The following C10orf88 variants were observed in gnomAD, a reference collection of about 807,000 sequenced individuals.
C10orf88 encodes the protein ATPase PAAT.
C10orf88 carries 29 observed loss-of-function variants against 34.2 expected under a neutral mutation model. The ratio of observed to expected loss-of-function variants is 0.85; its 90% CI spans 0.63 to 1.16. The LOEUF (loss-of-function observed/expected upper bound fraction) is 1.16, where lower values mean the gene tolerates loss of function less well. Ranked by LOEUF, C10orf88 falls within the 50% of genes most tolerant of loss-of-function variation. The probability of loss-of-function intolerance (pLI) is 0.00; values close to 1 mark genes in which losing one functional copy is unlikely to be tolerated. For missense variants in C10orf88, 507 were observed against 533.2 expected (o/e 0.95, Z 0.48); for synonymous variants, 194 against 197.4 (o/e 0.98, Z 0.15).
At position 122,937,751 on chromosome 10, in the gene C10orf88, A is replaced by C. The variant is rs751415358; in HGVS notation, c.1057T>G (p.Cys353Gly). 14 of 1,612,412 alleles carry C rather than the reference A, an allele frequency of 8.7e-6. No individual in the cohort carries two copies. Among genetic ancestry groups the C allele is most frequent in the Non-Finnish European group, 1.2e-5 (14 of 1,179,096 alleles). The change falls in exon 5 of 6, where the codon TGT (cysteine) becomes GGT (glycine). Residue 353 changes from cysteine (C) to glycine (G), a missense_variant. Coordinates refer to ENST00000481909, the MANE Select transcript of C10orf88 (RefSeq NM_024942.4). ...CCATGCTTGGTGATGTTTTCCTGAC[A>C]CTCGGTCTTATTTCCCACATGGAGA... ...NHLHVGNKTE[C>G]QENITKHGER...
intron 4 of C10orf88, among the ~76,000 whole-genome samples, chr10:122,940,740 T>C (rs1410713313): frequency 6.6e-6 from 1 of 152,006 alleles, no homozygotes; most frequent in African/African-American, 2.4e-5. Flanking sequence ...CCTCCACTGT[T>C]AACATGCTAT....
In C10orf88 at chr10:122,947,576, C is replaced by T. The variant is rs184652353; in HGVS notation, c.648+1073G>A. 2.0e-5 allele frequency among the ~76,000 whole-genome samples: 3 copies of T among 152,278 alleles called. No individual in the cohort carries two copies. The East Asian group carries it at 5.8e-4, about 29-fold the overall frequency. ...TTCCTCTCCCTTCACCACCCTCCGT[C>T]AGCTACTGTGGGTACACCCCTAAAC... is the stretch of plus-strand genomic sequence containing the variant. On this transcript the variant is annotated intron_variant, in intron 4 of 5. Transcript: ENST00000481909.
At chr10:122,947,688 T>G (rs1197646134) in intron 4 of C10orf88, among the ~76,000 whole-genome samples, 1 of 152,204 alleles carries the variant, frequency 6.6e-6, no homozygotes, top group Non-Finnish European at 1.5e-5. Context: ...GAATGTCTTA[T>G]TCACAGCTAA....
chr10:122,936,896 T>C (rs560487140), intron 5 of C10orf88, among the ~76,000 whole-genome samples: 4 of 152,140 alleles, frequency 2.6e-5, no homozygotes, highest in African/African-American at 9.6e-5. Flanking sequence ...ACTCAAGATA[T>C]AATCTATCTT....
At position 122,954,009 on chromosome 10, in the gene C10orf88, GCGC is replaced by G; in HGVS notation, c.164+3_164+5del. ...TAGCGACCCCGTCCCCGTCGGCCCG[GCGC>G]ACCCTGGAGCAGGCGGTGCCAGCAG... On this transcript the variant is annotated splice_donor_5th_base_variant and intron_variant, in intron 1 of 5. Coordinates refer to ENST00000481909, the MANE Select transcript of C10orf88 (RefSeq NM_024942.4). 1 of 1,516,006 alleles carries G rather than the reference GCGC, an allele frequency of 6.6e-7. No homozygotes were observed. Among genetic ancestry groups the G allele is most frequent in the African/African-American group, 1.4e-5 (1 of 70,830 alleles). The allele number at this position is 1,516,006 out of a possible 1,614,324, so 93.9% of individuals were successfully genotyped here.
chr10:122,945,895 G>A (rs1207382215), intron 4 of C10orf88, among the ~76,000 whole-genome samples: 1 of 151,976 alleles, frequency 6.6e-6, no homozygotes, highest in Non-Finnish European at 1.5e-5. Context: ...CCTGGAGTTC[G>A]AGACCAGCCT....
At chr10:122,951,902 C>T in intron 3 of C10orf88, 52 bp downstream of exon 3, 1 of 1,112,296 alleles carries the variant, frequency 9.0e-7, no homozygotes, top group Non-Finnish European at 1.3e-6. Context: ...CAAGCATACA[C>T]AGAGTACAAA....
At chr10:122,952,791 A>G in intron 2 of C10orf88, 38 bp downstream of exon 2, 1 of 1,606,372 alleles carries the variant, frequency 6.2e-7, no homozygotes, top group East Asian at 2.2e-5. Context: ...TCAAAACACT[A>G]CTTCAGAAGA....
rs138097898 is a variant in C10orf88, at chr10:122,938,511, T to C, written c.649-352A>G. On this transcript the variant is annotated intron_variant, in intron 4 of 5. Coordinates refer to ENST00000481909, the MANE Select transcript of C10orf88 (RefSeq NM_024942.4). ...TAATGTTTCCACTACAAATGTCTCT[T>C]TATGATAATAAAATGTACTACTCTC... Among the ~76,000 whole-genome samples, 12 of 152,162 alleles carry C rather than the reference T, an allele frequency of 7.9e-5. No individual in the cohort carries two copies. In the East Asian group the frequency reaches 2.3e-3, roughly 29 times the overall value.
intron 5 of C10orf88, among the ~76,000 whole-genome samples, chr10:122,936,357 T>C (rs1035865967): frequency 1.3e-5 from 2 of 151,996 alleles, no homozygotes; most frequent in Non-Finnish European, 1.5e-5. Flanking sequence ...TATCTTTTGA[T>C]AGTCTTGTTT....
chr10:122,944,353 C>T (rs1408852861), intron 4 of C10orf88, among the ~76,000 whole-genome samples: 2 of 124,356 alleles, frequency 1.6e-5, no homozygotes, highest in African/African-American at 6.4e-5. Context: ...GGAAGGGGAA[C>T]ATCACACTCT....
chr10:122,949,489 C>T (rs1319704004), intron 3 of C10orf88, among the ~76,000 whole-genome samples: 1 of 152,160 alleles, frequency 6.6e-6, no homozygotes, highest in African/African-American at 2.4e-5. Flanking sequence ...TCTGATGATA[C>T]ATTTGGCTAG....
At chr10:122,943,625 T>A (rs1848607044) in intron 4 of C10orf88, among the ~76,000 whole-genome samples, 1 of 152,102 alleles carries the variant, frequency 6.6e-6, no homozygotes, top group Non-Finnish European at 1.5e-5. Flanking sequence ...AACCTACTCA[T>A]CTGACAAAGG....
At chr10:122,943,110 C>G (rs1249786910) in intron 4 of C10orf88, among the ~76,000 whole-genome samples, 1 of 151,386 alleles carries the variant, frequency 6.6e-6, no homozygotes, top group Non-Finnish European at 1.5e-5. Context: ...ATCACACTGC[C>G]TGACTTCAAA....
rs1488115087 is a variant in C10orf88, at chr10:122,937,938, C to G, written c.870G>C (p.Lys290Asn). Residue 290 changes from lysine to asparagine, a missense_variant, in exon 5 of 6, where the codon AAG (lysine) becomes AAC (asparagine). Lys to Asn is a moderately conservative substitution (Grantham distance 94). Coordinates refer to ENST00000481909, the MANE Select transcript of C10orf88 (RefSeq NM_024942.4). Reference sequence around the variant, plus strand: ...GAGGCATAACTTTACACTCATCAAGCTTGGTAGAATTCTCTCCACCAGGCA... The same window carrying G: ...GAGGCATAACTTTACACTCATCAAGGTTGGTAGAATTCTCTCCACCAGGCA... ...TQLPGGENSTKLDECKVMPQN... is the reference protein window; with the variant it reads ...TQLPGGENSTNLDECKVMPQN... 1.2e-6 allele frequency: 2 copies of G among 1,613,268 alleles called. No homozygotes were observed. Among genetic ancestry groups the G allele is most frequent in the African/African-American group, 1.3e-5 (1 of 74,882 alleles).
intron 4 of C10orf88, 84 bp from the exon 5 acceptor site, chr10:122,938,243 G>T: frequency 1.8e-6 from 2 of 1,123,982 alleles, no homozygotes; most frequent in Non-Finnish European, 2.5e-6. Flanking sequence ...CAGGCACTGT[G>T]CATTGTTTCA....
At chr10:122,938,878 C>G (rs1848558662) in intron 4 of C10orf88, among the ~76,000 whole-genome samples, 1 of 151,960 alleles carries the variant, frequency 6.6e-6, no homozygotes, top group Non-Finnish European at 1.5e-5. Context: ...CCCTTTTATG[C>G]TCTTTAATTT....
At chr10:122,933,110 A>G (rs1848500798) in intron 5 of C10orf88, among the ~76,000 whole-genome samples, 1 of 152,166 alleles carries the variant, frequency 6.6e-6, no homozygotes. Context: ...AACACTTCAG[A>G]ATTTAACTAG....
chr10:122,952,604 CTTGA>C (rs554908736), intron 2 of C10orf88, among the ~76,000 whole-genome samples: 3 of 152,208 alleles, frequency 2.0e-5, no homozygotes, highest in East Asian at 1.9e-4. Context: ...ACCAATTCAC[CTTGA>C]TTGTTAGTTC....
Sources: gnomAD v4.1 joint callset for allele counts (sites outside exome capture counted in the v4.1 genomes callset) on GRCh38, gnomAD v4.1.1 for gene constraint, MANE v1.5 for transcripts, NCBI Gene and HGNC (gene_info 2026-07-23, HGNC 2026-07-21) for gene names.